BRD10: variants seen among roughly 807,000 people sequenced by gnomAD.
The protein encoded by BRD10 is bromodomain containing 10.
chr9:5,993,842 CA>C, the BRD10 span, among the ~76,000 whole-genome samples: 1 of 152,148 alleles, frequency 6.6e-6, no homozygotes, highest in Non-Finnish European at 1.5e-5. Flanking sequence ...AATGCATTTA[CA>C]GGGGCAAATG....
the BRD10 span, among the ~76,000 whole-genome samples, chr9:5,997,083 C>G: frequency 6.6e-6 from 1 of 152,162 alleles, no homozygotes; most frequent in Admixed American, 6.5e-5. Flanking sequence ...GACAATGGCA[C>G]AAGGAAGAAA....
At chr9:5,924,682 G>C in the BRD10 span, 54 of 1,518,218 alleles carry the variant, frequency 3.6e-5, 1 homozygote, top group African/African-American at 4.7e-4. Flanking sequence ...TCTTTCTCCA[G>C]GATATCCAGA....
At chr9:5,900,321 T>C in the BRD10 span, among the ~76,000 whole-genome samples, 1 of 152,184 alleles carries the variant, frequency 6.6e-6, no homozygotes, top group Admixed American at 6.5e-5. Flanking sequence ...AGACTTTTTA[T>C]TGAGAGGGAA....
chr9:5,986,433 T>A, the BRD10 span, among the ~76,000 whole-genome samples: 1 of 152,240 alleles, frequency 6.6e-6, no homozygotes, highest in Non-Finnish European at 1.5e-5. Flanking sequence ...GCAATGAACA[T>A]AGGCATGCAC....
chr9:5,960,475 T>C, the BRD10 span, among the ~76,000 whole-genome samples: 2 of 151,588 alleles, frequency 1.3e-5, no homozygotes, highest in African/African-American at 2.4e-5. Flanking sequence ...GGCAGGAGAA[T>C]TGCTTGAACC....
chr9:5,988,828 T>C, the BRD10 span, among the ~76,000 whole-genome samples: 1 of 152,218 alleles, frequency 6.6e-6, no homozygotes, highest in South Asian at 2.1e-4. Flanking sequence ...AAACAAAGTT[T>C]ATTGTTTGCA....
the BRD10 span, among the ~76,000 whole-genome samples, chr9:6,004,417 G>A: frequency 1.3e-5 from 2 of 152,150 alleles, no homozygotes; most frequent in Non-Finnish European, 1.5e-5. Flanking sequence ...TACAGATAAG[G>A]AAACTGAGAT....
At chr9:5,919,923 G>A in the BRD10 span, 352 of 1,613,970 alleles carry the variant, frequency 2.2e-4, 2 homozygotes, top group African/African-American at 3.9e-3. Flanking sequence ...GGATTACTGG[G>A]GCAAATGGCA....
chr9:5,892,646 C>T, the BRD10 span: 1 of 973,324 alleles, frequency 1.0e-6, no homozygotes, highest in Non-Finnish European at 1.5e-6. Context: ...CGTAAATCTC[C>T]CTAGTGTTTA....
At chr9:5,917,337 T>C in the BRD10 span, among the ~76,000 whole-genome samples, 1 of 152,184 alleles carries the variant, frequency 6.6e-6, no homozygotes, top group Non-Finnish European at 1.5e-5. Flanking sequence ...GGGAAGACCT[T>C]CAAGTGTCTT....
the BRD10 span, chr9:5,968,544 T>C: frequency 6.2e-7 from 1 of 1,613,832 alleles, no homozygotes; most frequent in Non-Finnish European, 8.5e-7. Context: ...TTTACTCCCA[T>C]TTCAACAGAG....
At chr9:5,919,762 A>G in the BRD10 span, 1 of 1,613,596 alleles carries the variant, frequency 6.2e-7, no homozygotes, top group South Asian at 1.1e-5. Flanking sequence ...TTCGACTGGC[A>G]GATACAACAA....
At chr9:5,920,296 T>C in the BRD10 span, 1 of 1,613,978 alleles carries the variant, frequency 6.2e-7, no homozygotes. Flanking sequence ...GACCTTGTGG[T>C]GGAACAATAA....
chr9:5,919,637 T>C, the BRD10 span: 1 of 1,504,362 alleles, frequency 6.6e-7, no homozygotes, highest in Non-Finnish European at 8.8e-7. Context: ...TTTATGGGAG[T>C]CAAAACAATG....
chr9:5,990,350 T>C, the BRD10 span, among the ~76,000 whole-genome samples: 2 of 152,182 alleles, frequency 1.3e-5, no homozygotes, highest in Admixed American at 6.5e-5. Context: ...ATGGACAATA[T>C]TGCATTGAAA....
At chr9:5,944,758 T>C in the BRD10 span, 3 of 524,016 alleles carry the variant, frequency 5.7e-6, no homozygotes, top group Non-Finnish European at 3.4e-6. Flanking sequence ...CTATCTTTCA[T>C]GGTAAATTTT....
the BRD10 span, chr9:5,929,128 T>G: frequency 6.2e-7 from 1 of 1,603,180 alleles, no homozygotes; most frequent in African/African-American, 1.3e-5. Context: ...ATGTAATTCT[T>G]TTACAGCTTG....
At chr9:5,907,967 T>C in the BRD10 span, among the ~76,000 whole-genome samples, 1 of 151,972 alleles carries the variant, frequency 6.6e-6, no homozygotes, top group East Asian at 1.9e-4. Flanking sequence ...AATAAATAAA[T>C]AAAATAAAAT....
the BRD10 span, among the ~76,000 whole-genome samples, chr9:5,879,440 C>A: frequency 1.3e-5 from 2 of 152,074 alleles, no homozygotes; most frequent in Non-Finnish European, 2.9e-5. Context: ...AGTTGCAGCC[C>A]CCACACAGCC....
Sources: allele counts gnomAD v4.1 joint callset (sites outside exome capture counted in the v4.1 genomes callset), GRCh38; gene constraint gnomAD v4.1.1; transcripts MANE v1.5; gene names NCBI Gene and HGNC (gene_info 2026-07-23, HGNC 2026-07-21).